THEM6: variants seen among roughly 807,000 people sequenced by gnomAD.
THEM6 encodes the protein thioesterase superfamily member 6.
A neutral mutation model predicts 13.7 loss-of-function variants in THEM6; 10 were observed. The observed-to-expected ratio is 0.73, with a 90% CI of 0.45 to 1.24. The LOEUF is 1.24. Among genes scored for constraint, THEM6 ranks in the 50% most tolerant of loss-of-function variants. The pLI is 0.00. For synonymous variants in THEM6, 161 were observed against 156.0 expected, an observed-to-expected ratio of 1.03 and a Z score of -0.24; for missense variants, 317 against 312.6, an observed-to-expected ratio of 1.01 and a Z score of -0.11.
At position 142,727,623 on chromosome 8, in the gene THEM6, G is replaced by C. The variant is rs17851711; in HGVS notation, c.277G>C (p.Glu93Gln). 53 of 1,495,230 alleles carry C rather than the reference G, an allele frequency of 3.5e-5. No homozygotes were observed. In the Middle Eastern group the frequency reaches 6.2e-4, roughly 18 times the overall value. The allele number at this position is 1,495,230 out of a possible 1,614,324, so 92.6% of individuals were successfully genotyped here. A position where few individuals can be genotyped will look rare whatever the true frequency, so the allele number is the denominator to read the frequency against. ...CTGCGGGGTGCTCGGGGCGCTGAGG[G>C]AGTTGCGGGCGCACACGGTGCTGGC... ...TRCGVLGALR[E>Q]LRAHTVLAAS... The change falls in exon 1 of 2, where the codon GAG (glutamate) becomes CAG (glutamine). Residue 93 changes from glutamate to glutamine, a missense_variant. By Grantham distance (29) the Glu-to-Gln change is conservative. Coordinates refer to ENST00000336138, the MANE Select transcript of THEM6 (RefSeq NM_016647.3).
At chr8:142,729,114 A>G (rs1563821663) in intron 1 of THEM6, among the ~76,000 whole-genome samples, 1 of 151,484 alleles carries the variant, frequency 6.6e-6, no homozygotes, top group Non-Finnish European at 1.5e-5. Context: ...AATTTTTTGT[A>G]TTTTTAGTAG....
Position 142,735,499 on chromosome 8 carries a change from T to A in THEM6, c.*60T>A. On this transcript the variant is annotated 3_prime_UTR_variant, in exon 2 of 2. Coordinates refer to ENST00000336138, the MANE Select transcript of THEM6 (RefSeq NM_016647.3). ...CCTGGGCCTGGGGGCTGCCCACAGA[T>A]GGGCAGTCTCAGCCATACTCTGTTC... is the stretch of plus-strand genomic sequence containing the variant. 7.7e-7 allele frequency: 1 copy of A among 1,295,988 alleles called. No individual in the cohort carries two copies. Among genetic ancestry groups the A allele is most frequent in the South Asian group, 1.3e-5 (1 of 78,994 alleles). The allele number at this position is 1,295,988 out of a possible 1,614,324, so 80.3% of individuals were successfully genotyped here.
chr8:142,731,178 T>G (rs1169943089), intron 1 of THEM6, among the ~76,000 whole-genome samples: 2 of 152,258 alleles, frequency 1.3e-5, no homozygotes, highest in Non-Finnish European at 2.9e-5. Context: ...AAAAATCTAT[T>G]GTGCTTTTAA....
chr8:142,732,588 C>G (rs2129998627), intron 1 of THEM6, among the ~76,000 whole-genome samples: 1 of 152,274 alleles, frequency 6.6e-6, no homozygotes, highest in Middle Eastern at 3.4e-3. Flanking sequence ...ACATTCAGCC[C>G]TCCAGAATTT....
chr8:142,733,640 T>C (rs1006311527), intron 1 of THEM6, among the ~76,000 whole-genome samples: 2 of 151,914 alleles, frequency 1.3e-5, no homozygotes, highest in Admixed American at 1.3e-4. Flanking sequence ...GCTATGGCAC[T>C]GCACAAAGCT....
chr8:142,734,804 A>G (rs77430447), intron 1 of THEM6: 1 of 155,140 alleles, frequency 6.4e-6, no homozygotes, highest in Non-Finnish European at 1.4e-5. Flanking sequence ...GCCCATCTGC[A>G]AGGCTGTGGA....
rs1815546574 is a variant in THEM6, at chr8:142,727,889, C to T, written c.513+30C>T. ...GCGGCCCCCGCCCCTGGCCCCGGAG[C>T]ACGGCCTTTGTGGGACCTCCGGGGG... On this transcript the variant is annotated intron_variant, in intron 1 of 1. Transcript: ENST00000336138. The T allele has an allele frequency of 2.2e-6, 3 of 1,384,844 alleles. No individual in the cohort carries two copies. In the South Asian group the frequency reaches 4.9e-5, roughly 23 times the overall value. The allele number at this position is 1,384,844 out of a possible 1,614,324, so 85.8% of individuals were successfully genotyped here. A position where few individuals can be genotyped will look rare whatever the true frequency, so the allele number is the denominator to read the frequency against.
At chr8:142,729,572 A>G (rs1407142501) in intron 1 of THEM6, among the ~76,000 whole-genome samples, 1 of 152,172 alleles carries the variant, frequency 6.6e-6, no homozygotes, top group Non-Finnish European at 1.5e-5. Context: ...GAGATCTAGA[A>G]CTGAGGCTAC....
rs1815528120 is a variant in THEM6 at position 142,727,620 on chromosome 8, AGGGAGTTGC to A, written c.278_286del (p.Glu93_Arg95del). 6.7e-7 allele frequency: 1 copy of A among 1,496,594 alleles called. No individual in the cohort carries two copies. Among genetic ancestry groups the A allele is most frequent in the East Asian group, 2.8e-5 (1 of 36,174 alleles). 92.7% of individuals were successfully genotyped at this position (1,496,594 alleles called of 1,614,324 possible). A position where few individuals can be genotyped will look rare whatever the true frequency, so the allele number is the denominator to read the frequency against. On this transcript the variant is annotated inframe_deletion, in exon 1 of 2. Coordinates refer to ENST00000336138, the MANE Select transcript of THEM6 (RefSeq NM_016647.3). ...CCGCTGCGGGGTGCTCGGGGCGCTG[AGGGAGTTGC>A]GGGCGCACACGGTGCTGGCGGCCTC...
chr8:142,735,504 A>G lies in THEM6; in HGVS notation c.*65A>G. 8.1e-7 allele frequency: 1 copy of G among 1,236,452 alleles called. No homozygotes were observed. Among genetic ancestry groups the G allele is most frequent in the African/African-American group, 1.5e-5 (1 of 67,186 alleles). 76.6% of individuals were successfully genotyped at this position (1,236,452 alleles called of 1,614,324 possible). On this transcript the variant is annotated 3_prime_UTR_variant, in exon 2 of 2. Coordinates refer to ENST00000336138, the MANE Select transcript of THEM6 (RefSeq NM_016647.3). ...GCCTGGGGGCTGCCCACAGATGGGC[A>G]GTCTCAGCCATACTCTGTTCCAGCT...
chr8:142,732,378 C>A (rs587728937), intron 1 of THEM6, among the ~76,000 whole-genome samples: 1 of 150,792 alleles, frequency 6.6e-6, no homozygotes, highest in Non-Finnish European at 1.5e-5. Context: ...CTCTGGTCGC[C>A]CCCCCAAGGG....
At chr8:142,731,712 C>T (rs113955650) in intron 1 of THEM6, among the ~76,000 whole-genome samples, 5 of 152,292 alleles carry the variant, frequency 3.3e-5, no homozygotes, top group African/African-American at 7.2e-5. Flanking sequence ...TGAGTTCTCC[C>T]GCTCCTGCAG....
At position 142,732,501 on chromosome 8, in the gene THEM6, G is replaced by A. The variant is rs141918061; in HGVS notation, c.514-2825G>A. Among the ~76,000 whole-genome samples the A allele has an allele frequency of 2.3e-3, 357 of 151,994 alleles. 1 individual carries two copies. Among genetic ancestry groups the A allele is most frequent in the African/African-American group, 8.3e-3 (342 of 41,444 alleles). On this transcript the variant is annotated intron_variant, in intron 1 of 1. Coordinates refer to ENST00000336138, the MANE Select transcript of THEM6 (RefSeq NM_016647.3). ...GAACCATGGAGGGGACCCACTCACT[G>A]TCCAGCAGGAGGACTTGTCACCGTC...
intron 1 of THEM6, 128 bp downstream of exon 1, chr8:142,727,987 C>A: frequency 9.1e-7 from 1 of 1,095,328 alleles, no homozygotes; most frequent in South Asian, 2.2e-5. Context: ...CTGCTGGAGT[C>A]CTGCCTCTTA....
rs587773418 is a variant in THEM6 at position 142,727,648 on chromosome 8, C to T, written c.302C>T (p.Ala101Val). 2.1e-5 allele frequency: 31 copies of T among 1,452,182 alleles called. 1 individual carries two copies. Among genetic ancestry groups the T allele is most frequent in the South Asian group, 8.3e-5 (6 of 72,174 alleles). 90.0% of individuals were successfully genotyped at this position (1,452,182 alleles called of 1,614,324 possible). Residue 101 changes from alanine to valine, a missense_variant, in exon 1 of 2, where the codon GCG (alanine) becomes GTG (valine). By Grantham distance (64) the Ala-to-Val change is moderately conservative. Transcript: ENST00000336138. ...LRELRAHTVL[A>V]ASCARHRRSL... is the part of the protein sequence containing the mutation. ...GAGTTGCGGGCGCACACGGTGCTGG[C>T]GGCCTCGTGCGCGCGCCACCGCCGC...
At position 142,735,522 on chromosome 8, in the gene THEM6, T is replaced by C; in HGVS notation, c.*83T>C. 8.9e-7 allele frequency: 1 copy of C among 1,119,534 alleles called. No individual in the cohort carries two copies. The allele number at this position is 1,119,534 out of a possible 1,614,324, so 69.4% of individuals were successfully genotyped here. A position where few individuals can be genotyped will look rare whatever the true frequency, so the allele number is the denominator to read the frequency against. On this transcript the variant is annotated 3_prime_UTR_variant, in exon 2 of 2. Coordinates refer to ENST00000336138, the MANE Select transcript of THEM6 (RefSeq NM_016647.3). ...GATGGGCAGTCTCAGCCATACTCTG[T>C]TCCAGCTGGAGTAGCCTCCTGACCA...
chr8:142,735,781 C>A lies in THEM6; in HGVS notation c.*342C>A. 3.6e-6 allele frequency: 1 copy of A among 279,992 alleles called. No individual in the cohort carries two copies. Among genetic ancestry groups the A allele is most frequent in the African/African-American group, 2.2e-5 (1 of 46,472 alleles). The allele number at this position is 279,992 out of a possible 1,614,324, so 17.3% of individuals were successfully genotyped here. ...AGCAGAGGGACCCACAAGTGCCTCC[C>A]GAGCCTAGATCCTGGCTCGGACCAC... On this transcript the variant is annotated 3_prime_UTR_variant, in exon 2 of 2. Transcript: ENST00000336138.
At chr8:142,728,760 G>A (rs1348216176) in intron 1 of THEM6, among the ~76,000 whole-genome samples, 3 of 152,166 alleles carry the variant, frequency 2.0e-5, no homozygotes, top group Non-Finnish European at 4.4e-5. Flanking sequence ...TTAAGGTAAA[G>A]CGGTGAAAGA....
At chr8:142,727,894 C>T in intron 1 of THEM6, 35 bp downstream of exon 1, 1 of 1,379,332 alleles carries the variant, frequency 7.2e-7, no homozygotes, top group Non-Finnish European at 9.3e-7. Context: ...CGGAGCACGG[C>T]CTTTGTGGGA....
Sources: gnomAD v4.1 joint callset for allele counts (sites outside exome capture counted in the v4.1 genomes callset) on GRCh38, gnomAD v4.1.1 for gene constraint, MANE v1.5 for transcripts, NCBI Gene and HGNC (gene_info 2026-07-23, HGNC 2026-07-21) for gene names.